KCNB2: variants seen among roughly 807,000 people sequenced by gnomAD.
KCNB2 encodes the protein potassium voltage-gated channel subfamily B member 2.
In KCNB2, 15 loss-of-function variants were observed where a neutral mutation model predicts 61.5. That is an observed-to-expected ratio of 0.24 (90% CI 0.16 to 0.38). The LOEUF is 0.38. KCNB2 is among the 10% of genes least tolerant of loss of function. KCNB2 has a pLI of 1.00. For synonymous variants in KCNB2, 457 were observed against 446.0 expected, an observed-to-expected ratio of 1.02 and a Z score of -0.31; for missense variants, 828 against 1,125.2, an observed-to-expected ratio of 0.74 and a Z score of 3.78.
chr8:72,928,698 A>T (rs1044595530), intron 2 of KCNB2, among the ~76,000 whole-genome samples: 33 of 151,430 alleles, frequency 2.2e-4, no homozygotes, highest in African/African-American at 8.0e-4. Context: ...ACACACACAC[A>T]CACACACACA....
chr8:72,546,946 T>A (rs138030906), intron 1 of KCNB2, among the ~76,000 whole-genome samples: 20 of 152,240 alleles, frequency 1.3e-4, no homozygotes, highest in African/African-American at 4.8e-4. Flanking sequence ...AGTCAATGCC[T>A]GGCTTCAAAG....
intron 2 of KCNB2, among the ~76,000 whole-genome samples, chr8:72,712,339 G>T (rs1270472257): frequency 2.0e-5 from 3 of 152,208 alleles, no homozygotes; most frequent in African/African-American, 7.2e-5. Context: ...CTTACTCACA[G>T]GTTCCTATTT....
chr8:72,572,673 G>C (rs926090729), intron 2 of KCNB2, among the ~76,000 whole-genome samples: 1 of 151,936 alleles, frequency 6.6e-6, no homozygotes, highest in Non-Finnish European at 1.5e-5. Flanking sequence ...AGAAAAGGGG[G>C]GAATGATTGA....
intron 2 of KCNB2, among the ~76,000 whole-genome samples, chr8:72,788,704 A>G (rs1439111232): frequency 1.3e-5 from 2 of 152,192 alleles, no homozygotes; most frequent in African/African-American, 2.4e-5. Flanking sequence ...GAAGAGAATT[A>G]GAGAACCTGA....
intron 2 of KCNB2, among the ~76,000 whole-genome samples, chr8:72,935,528 G>A (rs551684977): frequency 1.2e-4 from 19 of 152,236 alleles, no homozygotes; most frequent in African/African-American, 3.1e-4. Context: ...AATTCCTGGC[G>A]ATCACCAATT....
At chr8:72,606,136 A>G (rs1401384795) in intron 2 of KCNB2, among the ~76,000 whole-genome samples, 1 of 152,192 alleles carries the variant, frequency 6.6e-6, no homozygotes, top group Non-Finnish European at 1.5e-5. Context: ...ATTTAGCAGT[A>G]TGTTTATATT....
chr8:72,919,526 G>A (rs1209901011), intron 2 of KCNB2, among the ~76,000 whole-genome samples: 1 of 152,172 alleles, frequency 6.6e-6, no homozygotes, highest in Non-Finnish European at 1.5e-5. Context: ...GATTTGTGTG[G>A]TAGCCTTCAG....
intron 2 of KCNB2, among the ~76,000 whole-genome samples, chr8:72,578,246 C>T (rs1806828655): frequency 6.6e-6 from 1 of 152,090 alleles, no homozygotes; most frequent in Non-Finnish European, 1.5e-5. Context: ...ACAACCTGTT[C>T]TATTTCAGTG....
chr8:72,645,092 C>T (rs2128985974), intron 2 of KCNB2, among the ~76,000 whole-genome samples: 1 of 152,242 alleles, frequency 6.6e-6, no homozygotes, highest in East Asian at 1.9e-4. Flanking sequence ...AGCCACAGCT[C>T]CATGATGCAG....
intron 2 of KCNB2, among the ~76,000 whole-genome samples, chr8:72,888,501 A>G (rs1211818376): frequency 6.6e-6 from 1 of 152,230 alleles, no homozygotes; most frequent in East Asian, 1.9e-4. Flanking sequence ...CTTTTAGTAC[A>G]TAAAATTCTC....
At chr8:72,617,175 G>C (rs563213962) in intron 2 of KCNB2, among the ~76,000 whole-genome samples, 3 of 152,148 alleles carry the variant, frequency 2.0e-5, no homozygotes, top group Non-Finnish European at 2.9e-5. Context: ...TTCTTAGCTA[G>C]GAGGTATCCT....
intron 2 of KCNB2, among the ~76,000 whole-genome samples, chr8:72,729,798 G>T (rs768073976): frequency 1.3e-4 from 20 of 151,914 alleles, no homozygotes; most frequent in Non-Finnish European, 2.8e-4. Flanking sequence ...CAGGAGAATC[G>T]CTTGAACCCG....
At chr8:72,739,282 A>T (rs1245545951) in intron 2 of KCNB2, among the ~76,000 whole-genome samples, 1 of 151,712 alleles carries the variant, frequency 6.6e-6, no homozygotes, top group East Asian at 1.9e-4. Context: ...TTTATTGAAC[A>T]CCTATTATGT....
chr8:72,701,820 C>T (rs1807132890), intron 2 of KCNB2, among the ~76,000 whole-genome samples: 1 of 151,962 alleles, frequency 6.6e-6, no homozygotes, highest in African/African-American at 2.4e-5. Context: ...AAAAATTGCG[C>T]AACCATTTAA....
chr8:72,897,005 T>C (rs1563416723), intron 2 of KCNB2, among the ~76,000 whole-genome samples: 1 of 152,186 alleles, frequency 6.6e-6, no homozygotes, highest in Non-Finnish European at 1.5e-5. Context: ...AGACTAGGGT[T>C]GTGCTTGCAA....
chr8:72,924,479 G>A (rs1191540431), intron 2 of KCNB2, among the ~76,000 whole-genome samples: 1 of 152,176 alleles, frequency 6.6e-6, no homozygotes, highest in Non-Finnish European at 1.5e-5. Context: ...TGGGCCTGGG[G>A]TGGGGCCTGA....
At chr8:72,629,348 A>G (rs1422609669) in intron 2 of KCNB2, among the ~76,000 whole-genome samples, 1 of 152,114 alleles carries the variant, frequency 6.6e-6, no homozygotes, top group East Asian at 1.9e-4. Flanking sequence ...CTCGCCCCTT[A>G]TGGGAGTCTA....
intron 2 of KCNB2, among the ~76,000 whole-genome samples, chr8:72,602,313 CT>C (rs554339584): frequency 3.9e-5 from 6 of 151,992 alleles, no homozygotes; most frequent in Non-Finnish European, 8.8e-5. Flanking sequence ...GTCTTCATTC[CT>C]TTTTTTCAGG....
intron 2 of KCNB2, among the ~76,000 whole-genome samples, chr8:72,923,579 G>T (rs917499672): frequency 2.0e-5 from 3 of 152,070 alleles, no homozygotes; most frequent in African/African-American, 7.2e-5. Flanking sequence ...ACCTGAAATA[G>T]CTTTTCAGGT....
Sources: allele counts gnomAD v4.1 joint callset (sites outside exome capture counted in the v4.1 genomes callset), GRCh38; gene constraint gnomAD v4.1.1; transcripts MANE v1.5; gene names NCBI Gene and HGNC (gene_info 2026-07-23, HGNC 2026-07-21).